C12orf42: variants seen among roughly 807,000 people sequenced by gnomAD.
The protein encoded by C12orf42 is chromosome 12 open reading frame 42, also known as uncharacterized protein C12orf42.
Under a neutral mutation model 21.6 loss-of-function variants are expected in C12orf42, and 25 were observed. That is an observed-to-expected ratio of 1.16 (90% CI 0.84 to 1.62). The LOEUF (loss-of-function observed/expected upper bound fraction) is 1.62. Ranked by LOEUF, C12orf42 falls within the 40% of genes most tolerant of loss-of-function variation. C12orf42 has a pLI of 0.00. For synonymous variants in C12orf42, 174 were observed against 175.0 expected (o/e 0.99, Z 0.05); for missense variants, 483 against 459.3 (o/e 1.05, Z -0.47).
At chr12:103,516,624 A>AGAGCTCACTCACTAG in the C12orf42 span, among the ~76,000 whole-genome samples, 6 of 152,190 alleles carry the variant, frequency 3.9e-5, no homozygotes, top group South Asian at 6.2e-4. Flanking sequence ...AGATTTCATG[A>AGAGCTCACTCACTAG]GAGCTCACTC....
At chr12:103,330,445 A>G (rs762278506) in intron 4 of C12orf42, among the ~76,000 whole-genome samples, 4 of 152,208 alleles carry the variant, frequency 2.6e-5, no homozygotes, top group South Asian at 2.1e-4. Context: ...ATTAGTCTCA[A>G]TAAATCCCTC....
chr12:103,183,670 A>AT, the C12orf42 span, among the ~76,000 whole-genome samples: 2 of 149,946 alleles, frequency 1.3e-5, no homozygotes, highest in African/African-American at 4.9e-5. Flanking sequence ...TTGATTTGTG[A>AT]TTTTTCCTCT....
At chr12:103,092,605 G>A in the C12orf42 span, among the ~76,000 whole-genome samples, 1 of 152,106 alleles carries the variant, frequency 6.6e-6, no homozygotes, top group Admixed American at 6.5e-5. Context: ...TGACTTCAGT[G>A]CAACGTATTC....
chr12:103,162,442 C>A, the C12orf42 span, among the ~76,000 whole-genome samples: 1 of 152,010 alleles, frequency 6.6e-6, no homozygotes, highest in Non-Finnish European at 1.5e-5. Flanking sequence ...AGTGAAATGG[C>A]CCTTTATTTA....
the C12orf42 span, among the ~76,000 whole-genome samples, chr12:103,076,444 C>A: frequency 2.0e-4 from 30 of 152,072 alleles, no homozygotes; most frequent in African/African-American, 7.2e-4. Context: ...CATTGTGCAC[C>A]TATAGGTTTA....
At chr12:103,410,468 A>G (rs1312478645) in intron 2 of C12orf42, among the ~76,000 whole-genome samples, 1 of 152,168 alleles carries the variant, frequency 6.6e-6, no homozygotes, top group East Asian at 1.9e-4. Flanking sequence ...CTTAAATGCC[A>G]ACTTAGGCCA....
At chr12:103,136,241 T>C in the C12orf42 span, among the ~76,000 whole-genome samples, 1 of 152,138 alleles carries the variant, frequency 6.6e-6, no homozygotes, top group Non-Finnish European at 1.5e-5. Flanking sequence ...AGCATTTCTA[T>C]GCACCAATAA....
At chr12:103,226,840 G>C in the C12orf42 span, among the ~76,000 whole-genome samples, 57 of 152,292 alleles carry the variant, frequency 3.7e-4, no homozygotes, top group South Asian at 1.7e-3. Flanking sequence ...AGGGAAAGAA[G>C]GAAGGTTTGG....
At chr12:103,489,613 G>A (rs964413921) in intron 1 of C12orf42, among the ~76,000 whole-genome samples, 2 of 152,178 alleles carry the variant, frequency 1.3e-5, no homozygotes, top group Non-Finnish European at 2.9e-5. Flanking sequence ...CCCCCAGTTT[G>A]AGCTTCCCGG....
In C12orf42 at chr12:103,302,320, T is replaced by C; in HGVS notation, c.871A>G (p.Thr291Ala). 2.5e-6 allele frequency: 4 copies of C among 1,613,762 alleles called. No individual in the cohort carries two copies. The highest frequency in any genetic ancestry group is 3.4e-6 in the Non-Finnish European group (4 of 1,179,848). ...APEMLPKHPHTPRDRRPQADT... is the reference protein window; with the variant it reads ...APEMLPKHPHAPRDRRPQADT... Reference sequence around the variant, plus strand: ...GCCTGAGGCCTCCTGTCCCGCGGGGTATGAGGATGCTTGGGGAGCATCTCC... The same window carrying C: ...GCCTGAGGCCTCCTGTCCCGCGGGGCATGAGGATGCTTGGGGAGCATCTCC... Residue 291 changes from threonine to alanine, a missense_variant, in exon 6 of 6, where the codon ACC (threonine) becomes GCC (alanine). Coordinates refer to ENST00000548883, the MANE Select transcript of C12orf42 (RefSeq NM_198521.5).
At chr12:103,469,580 T>C (rs2137840074) in intron 2 of C12orf42, among the ~76,000 whole-genome samples, 1 of 152,364 alleles carries the variant, frequency 6.6e-6, no homozygotes. Flanking sequence ...TTAGACAATA[T>C]AGGTGATTTC....
At chr12:103,422,070 G>T (rs1215279895) in intron 2 of C12orf42, among the ~76,000 whole-genome samples, 1 of 152,082 alleles carries the variant, frequency 6.6e-6, no homozygotes, top group African/African-American at 2.4e-5. Context: ...CTTAAATAAA[G>T]AAAAAAGAGA....
At chr12:103,266,253 A>G (rs2035164613), downstream of C12orf42, among the ~76,000 whole-genome samples, 2 of 152,174 alleles carry the variant, frequency 1.3e-5, no homozygotes, top group Non-Finnish European at 2.9e-5. Flanking sequence ...GATATCCAAA[A>G]TAGAAGGAAA....
the C12orf42 span, among the ~76,000 whole-genome samples, chr12:103,556,637 A>G: frequency 1.3e-5 from 2 of 152,216 alleles, no homozygotes; most frequent in Admixed American, 1.3e-4. Context: ...TTAGATGAGT[A>G]TTCTTGTCAG....
the C12orf42 span, among the ~76,000 whole-genome samples, chr12:103,065,552 C>T: frequency 1.3e-5 from 2 of 152,232 alleles, no homozygotes; most frequent in Admixed American, 1.3e-4. Flanking sequence ...CACACTGGTC[C>T]ATTATACTGA....
intron 10 of C12orf42, among the ~76,000 whole-genome samples, chr12:103,254,540 G>T (rs182087028): frequency 4.6e-5 from 7 of 152,190 alleles, no homozygotes; most frequent in Non-Finnish European, 1.0e-4. Flanking sequence ...ACAGAATAGA[G>T]AACTCAGGAA....
chr12:103,556,149 C>G, the C12orf42 span, among the ~76,000 whole-genome samples: 3 of 152,096 alleles, frequency 2.0e-5, no homozygotes, highest in Non-Finnish European at 4.4e-5. Flanking sequence ...AGTCACCCAC[C>G]CCTGGGTTCA....
intron 2 of C12orf42, among the ~76,000 whole-genome samples, chr12:103,429,108 G>T (rs1181014043): frequency 6.6e-6 from 1 of 152,196 alleles, no homozygotes; most frequent in African/African-American, 2.4e-5. Context: ...AGCATTGGAA[G>T]TTCTGGCCAA....
In C12orf42 at chr12:103,448,590, C is replaced by T. The variant is rs572722553; in HGVS notation, c.78+29759G>A. Among the ~76,000 whole-genome samples, 10 of 151,758 alleles carry T rather than the reference C, an allele frequency of 6.6e-5. No homozygotes were observed. The East Asian group carries it at 1.7e-3, about 26-fold the overall frequency. ...TCTACAAAGAACTCAAATAAATCAG[C>T]AAGAAAACACGATCTCATCAAAATG... is the stretch of plus-strand genomic sequence containing the variant. On this transcript the variant is annotated intron_variant, in intron 2 of 5. Transcript: ENST00000548883.
Sources: gnomAD v4.1 joint callset for allele counts (sites outside exome capture counted in the v4.1 genomes callset) on GRCh38, gnomAD v4.1.1 for gene constraint, MANE v1.5 for transcripts, NCBI Gene and HGNC (gene_info 2026-07-23, HGNC 2026-07-21) for gene names.